Variants in NAV1 observed in about 807,000 individuals in gnomAD.
The protein encoded by NAV1 is neuron navigator 1.
A neutral mutation model predicts 175.2 loss-of-function variants in NAV1; 18 were observed. The observed-to-expected ratio is 0.10, with a 90% CI of 0.07 to 0.15. NAV1 has a LOEUF of 0.15. NAV1 is among the 10% of genes least tolerant of loss of function. NAV1 has a pLI of 1.00. For synonymous variants in NAV1, 897 were observed against 978.7 expected (o/e 0.92, Z 1.56); for missense variants, 1,731 against 2,436.6 (o/e 0.71, Z 6.10).
chr1:201,755,266 C>G (rs1178072640), intron 3 of NAV1, among the ~76,000 whole-genome samples: 1 of 145,560 alleles, frequency 6.9e-6, no homozygotes, highest in Non-Finnish European at 1.5e-5. Flanking sequence ...CAAATTGAGG[C>G]CCCCCCTCTA....
chr1:201,742,454 C>T (rs942211483), intron 3 of NAV1, among the ~76,000 whole-genome samples: 3 of 152,164 alleles, frequency 2.0e-5, no homozygotes, highest in African/African-American at 7.2e-5. Flanking sequence ...GGGATTCTTC[C>T]ATCTATCATG....
chr1:201,661,692 C>A (rs1470483751), intron 1 of NAV1, among the ~76,000 whole-genome samples: 2 of 152,112 alleles, frequency 1.3e-5, no homozygotes, highest in East Asian at 3.9e-4. Context: ...CAGAGGCTGG[C>A]ACATGGCTGG....
chr1:201,651,411 G>A (rs191693704), intron 1 of NAV1, among the ~76,000 whole-genome samples: 2 of 152,090 alleles, frequency 1.3e-5, no homozygotes, highest in East Asian at 3.9e-4. Flanking sequence ...AGGGGCAGGA[G>A]TGGGGAGGAG....
intron 1 of NAV1, among the ~76,000 whole-genome samples, chr1:201,564,443 C>T (rs111306114): frequency 0.027 from 4,124 of 152,134 alleles, 187 homozygotes; most frequent in African/African-American, 0.094. Context: ...GGCGAAACCC[C>T]GTCTCTACTA....
At chr1:201,622,949 C>T in exon 1 of NAV1, 2 of 986,448 alleles carry the variant, frequency 2.0e-6, no homozygotes, top group Non-Finnish European at 2.4e-6. Context: ...ATCCCGGTGC[C>T]TCGTGCCTCT....
intron 3 of NAV1, among the ~76,000 whole-genome samples, chr1:201,753,230 C>T (rs981726213): frequency 2.6e-5 from 4 of 152,268 alleles, no homozygotes; most frequent in Non-Finnish European, 4.4e-5. Context: ...TTTGGAGCCA[C>T]TGTGGCATAC....
intron 1 of NAV1, among the ~76,000 whole-genome samples, chr1:201,575,836 C>T (rs1017068092): frequency 2.0e-5 from 3 of 152,160 alleles, no homozygotes; most frequent in Non-Finnish European, 2.9e-5. Context: ...CATCTTGGTC[C>T]TTGATCACCA....
intron 2 of NAV1, among the ~76,000 whole-genome samples, chr1:201,596,065 G>A (rs944703404): frequency 3.3e-5 from 5 of 152,210 alleles, no homozygotes; most frequent in Non-Finnish European, 7.3e-5. Flanking sequence ...TAAGGCAAGC[G>A]CCTTAACCTC....
chr1:201,809,993 T>C, exon 23 of NAV1: 1 of 1,614,104 alleles, frequency 6.2e-7, no homozygotes, highest in Non-Finnish European at 8.5e-7. Flanking sequence ...GACTAAGCAC[T>C]GAGTCCATCC....
chr1:201,649,214 C>G, exon 1 of NAV1: 1 of 1,612,932 alleles, frequency 6.2e-7, no homozygotes, highest in South Asian at 1.1e-5. Flanking sequence ...ATGCGGAGGT[C>G]AAGCCGCTCA....
intron 15 of NAV1, chr1:201,795,503 C>T (rs1677383842): frequency 6.6e-6 from 1 of 152,088 alleles, no homozygotes; most frequent in African/African-American, 2.4e-5. Context: ...TCATTCCTTC[C>T]CTGCTTATAA....
chr1:201,790,664 G>C (rs1239390994), intron 12 of NAV1, 25 bp from the exon 17 acceptor site: 2 of 1,613,938 alleles, frequency 1.2e-6, no homozygotes, highest in Non-Finnish European at 1.7e-6. Context: ...GCAGCCAGTA[G>C]TTTGTATTTC....
chr1:201,692,140 T>C (rs12080466), intron 1 of NAV1, among the ~76,000 whole-genome samples: 2,873 of 152,322 alleles, frequency 0.019, 89 homozygotes, highest in African/African-American at 0.066. Context: ...GCCTGTGTTA[T>C]GTGCCCTGGA....
At chr1:201,613,137 G>C (rs935058905) in intron 2 of NAV1, among the ~76,000 whole-genome samples, 1 of 152,130 alleles carries the variant, frequency 6.6e-6, no homozygotes, top group Admixed American at 6.5e-5. Flanking sequence ...TCTCTGAACA[G>C]GTTGCATCTA....
intron 14 of NAV1, 34 bp downstream of exon 18, chr1:201,793,909 T>TGGGGGGGGTTTGGGGGGGGGGGGGGGGCC: frequency 1.9e-6 from 1 of 516,476 alleles, no homozygotes. Context: ...GAGGGGTGGG[T>TGGGGGGGGTTTGGGGGGGGGGGGGGGGCC]GCGGCGAGGG....
rs1673325306 is a variant in NAV1, at chr1:201,740,221, G to A, written c.1226+21466G>A. The A allele has an allele frequency of 1.4e-6, 1 of 697,278 alleles. No homozygotes were observed. The highest frequency in any genetic ancestry group is 3.3e-5 in the East Asian group (1 of 30,128). The allele number at this position is 697,278 out of a possible 1,614,324, so 43.2% of individuals were successfully genotyped here. A position where few individuals can be genotyped will look rare whatever the true frequency, so the allele number is the denominator to read the frequency against. ...GGGTGTGGGGTCCGCAAGAAGGAGG[G>A]TCTTGGCCGCGCTCGCTTTTCCGCC... On this transcript the variant is annotated intron_variant, in intron 3 of 29. Transcript: ENST00000367296. The surrounding 1 kb of genome is among the most constrained non-coding windows in gnomAD (Gnocchi z 4.7).
chr1:201,560,121 T>A (rs932350656), intron 1 of NAV1, among the ~76,000 whole-genome samples: 3 of 152,126 alleles, frequency 2.0e-5, no homozygotes, highest in African/African-American at 7.2e-5. Context: ...CTGGGTGGTA[T>A]CAAAAAACTC....
At chr1:201,562,697 G>A (rs1666236356) in intron 1 of NAV1, among the ~76,000 whole-genome samples, 1 of 152,220 alleles carries the variant, frequency 6.6e-6, no homozygotes, top group Non-Finnish European at 1.5e-5. Context: ...TTCTAGGACT[G>A]TATGAGAGCA....
intron 17 of NAV1, among the ~76,000 whole-genome samples, chr1:201,804,856 T>C (rs1294645764): frequency 1.3e-5 from 2 of 152,222 alleles, no homozygotes; most frequent in Non-Finnish European, 2.9e-5. Context: ...GGTTCCATAA[T>C]ACCTAGAGAC....
Sources: gnomAD v4.1 joint callset for allele counts (sites outside exome capture counted in the v4.1 genomes callset) on GRCh38, gnomAD v4.1.1 for gene constraint, Gnocchi (gnomAD v3.1) non-coding constraint, MANE v1.5 for transcripts, NCBI Gene and HGNC (gene_info 2026-07-23, HGNC 2026-07-21) for gene names.